The following IGDCC4 variants were observed in gnomAD, a reference collection of about 807,000 sequenced individuals.
IGDCC4 encodes likely ortholog of mouse neighbor of Punc E11.
Under a neutral mutation model 116.6 loss-of-function variants are expected in IGDCC4, and 72 were observed. The observed-to-expected ratio is 0.62, with a 90% CI of 0.51 to 0.75. IGDCC4 has a LOEUF of 0.75. Among genes scored for constraint, IGDCC4 ranks in the 30% least tolerant of loss-of-function variants. The pLI, the probability that IGDCC4 is intolerant of heterozygous loss-of-function variation, is 0.00. For synonymous variants in IGDCC4, 709 were observed against 719.9 expected (o/e 0.98, Z 0.24); for missense variants, 1,501 against 1,662.4 (o/e 0.90, Z 1.69).
chr15:65,398,661 G>A (rs1041232608), intron 5 of IGDCC4, among the ~76,000 whole-genome samples: 2 of 151,664 alleles, frequency 1.3e-5, no homozygotes, highest in Non-Finnish European at 2.9e-5. Flanking sequence ...GGCGGATCAC[G>A]AGGTTGGATC....
rs545170463 is a variant in IGDCC4, at chr15:65,400,915, C to T, written c.732G>A (p.Val244=). The change falls in exon 5 of 20, where the codon GTG becomes GTA. Residue 244 remains valine (V), a synonymous_variant. Coordinates refer to ENST00000352385, the MANE Select transcript of IGDCC4 (RefSeq NM_020962.3). The stretch of plus-strand genomic sequence containing the variant: ...TGTTCTCTGGGGCTGCCACAATGAC[C>T]ACGTCCTGCCCCCTGGTGGACGCCA... ...GSLASTRGQD[V]VIVAAPENTT... 6.2e-7 allele frequency: 1 copy of T among 1,614,168 alleles called. No homozygotes were observed. The highest frequency in any genetic ancestry group is 1.1e-5 in the South Asian group (1 of 91,068).
At chr15:65,388,697 T>C (rs1217597616) in intron 15 of IGDCC4, 111 bp from the exon 16 acceptor site, 6 of 1,591,644 alleles carry the variant, frequency 3.8e-6, no homozygotes, top group African/African-American at 1.3e-5. Context: ...CAGCAGCTTC[T>C]GCTTGCTTCT....
At chr15:65,396,720 C>G (rs2062930715) in intron 6 of IGDCC4, 114 bp downstream of exon 6, 1 of 1,327,988 alleles carries the variant, frequency 7.5e-7, no homozygotes, top group Non-Finnish European at 1.0e-6. Flanking sequence ...TCCCTGAGTT[C>G]GTCCTCCAGG....
intron 1 of IGDCC4, among the ~76,000 whole-genome samples, chr15:65,419,251 G>A (rs534616682): frequency 2.0e-4 from 26 of 129,988 alleles, no homozygotes; most frequent in Admixed American, 1.8e-3. Context: ...TTAATTTTTC[G>A]TAGAAATGAG....
At position 65,389,550 on chromosome 15, in the gene IGDCC4, C is replaced by T. The variant is rs147913443; in HGVS notation, c.2409-139G>A. 896 of 1,119,962 alleles carry T rather than the reference C, an allele frequency of 8.0e-4. 4 individuals carry two copies. In the African/African-American group the frequency reaches 0.012, roughly 15 times the overall value. The allele number at this position is 1,119,962 out of a possible 1,614,324, so 69.4% of individuals were successfully genotyped here. A position where few individuals can be genotyped will look rare whatever the true frequency, so the allele number is the denominator to read the frequency against. On this transcript the variant is annotated intron_variant, in intron 13 of 19. Transcript: ENST00000352385. Reference sequence around the variant, plus strand: ...GGGAAGCTGCTCCCTGGCCTGGAGGCGACTACCACCACCCAGGGACCTACA... The same window carrying T: ...GGGAAGCTGCTCCCTGGCCTGGAGGTGACTACCACCACCCAGGGACCTACA...
intron 13 of IGDCC4, 62 bp downstream of exon 13, chr15:65,390,093 C>T (rs1425249963): frequency 4.2e-6 from 6 of 1,433,654 alleles, no homozygotes; most frequent in Middle Eastern, 2.2e-4. Flanking sequence ...GCTGCCTTCC[C>T]ACCACCACCC....
rs756603874 is a variant in IGDCC4 at position 65,411,200 on chromosome 15, C to G, written c.241G>C (p.Glu81Gln). 3.1e-6 allele frequency: 5 copies of G among 1,614,192 alleles called. No homozygotes were observed. In the African/African-American group the frequency reaches 4.0e-5, roughly 13 times the overall value. The change falls in exon 2 of 20, where the codon GAG becomes CAG. Residue 81 changes from glutamate to glutamine, a missense_variant. By Grantham distance (29) the Glu-to-Gln change is conservative. Around this residue, in one of 3 missense-constraint regions of IGDCC4, gnomAD observed 898 missense variants for 978.9 expected, o/e 0.92. Transcript: ENST00000352385. ...GGCAGCAGGTGTAAGTGGTCGTGCT[C>G]CAGCAGGGTGTCCCCATCCTTGCTC... is the stretch of plus-strand genomic sequence containing the variant. ...TWSKDGDTLL[E>Q]HDHLHLLPNG...
chr15:65,404,959 G>A (rs866926592), intron 3 of IGDCC4, among the ~76,000 whole-genome samples: 28 of 152,290 alleles, frequency 1.8e-4, no homozygotes, highest in Middle Eastern at 3.4e-3. Flanking sequence ...GGCTGAAGTG[G>A]GGAGATTGCT....
At chr15:65,420,512 C>T (rs577241549) in intron 1 of IGDCC4, among the ~76,000 whole-genome samples, 4 of 152,144 alleles carry the variant, frequency 2.6e-5, no homozygotes, top group Non-Finnish European at 5.9e-5. Context: ...GTCAAGGGCT[C>T]ATGGGGACTC....
At chr15:65,385,647 G>A (rs1002270452) in intron 18 of IGDCC4, 184 bp downstream of exon 18, 1 of 677,118 alleles carries the variant, frequency 1.5e-6, no homozygotes, top group Non-Finnish European at 2.7e-6. Flanking sequence ...CTATTCCGCC[G>A]GGATATGGAG....
intron 18 of IGDCC4, chr15:65,385,541 G>C (rs1375145049): frequency 1.8e-6 from 1 of 565,272 alleles, no homozygotes; most frequent in African/African-American, 1.9e-5. Flanking sequence ...GGTCTCAGAG[G>C]TCTCCCCAGC....
At chr15:65,416,247 C>G (rs972928477) in intron 1 of IGDCC4, among the ~76,000 whole-genome samples, 1 of 145,660 alleles carries the variant, frequency 6.9e-6, no homozygotes, top group Admixed American at 7.1e-5. Context: ...GAGACATTCT[C>G]CTGCCTCAGC....
intron 3 of IGDCC4, among the ~76,000 whole-genome samples, chr15:65,407,319 C>T (rs2063049199): frequency 6.6e-6 from 1 of 150,886 alleles, no homozygotes; most frequent in South Asian, 2.1e-4. Flanking sequence ...CAACAAAAAA[C>T]CTAGTATGTA....
chr15:65,407,004 A>T (rs1595789937), intron 3 of IGDCC4, among the ~76,000 whole-genome samples: 1 of 152,280 alleles, frequency 6.6e-6, no homozygotes, highest in African/African-American at 2.4e-5. Context: ...TAAAGTTGTA[A>T]TGTGATACAA....
chr15:65,399,597 C>T (rs1054882303), intron 5 of IGDCC4, among the ~76,000 whole-genome samples: 3 of 152,084 alleles, frequency 2.0e-5, no homozygotes, highest in Admixed American at 1.3e-4. Context: ...GGTGATACCA[C>T]AAGTTTATCC....
Position 65,388,825 on chromosome 15 carries a change from G to A in IGDCC4, c.2690C>T (p.Thr897Ile), listed in dbSNP as rs1275748545. The change falls in exon 15 of 20, where the codon ACC becomes ATC. Residue 897 changes from threonine (T) to isoleucine (I), a missense_variant. By Grantham distance (89) the Thr-to-Ile change is moderately conservative. Around this residue, in one of 3 missense-constraint regions of IGDCC4, gnomAD observed 235 missense variants for 328.0 expected, o/e 0.72. Transcript: ENST00000352385. ...GCCCTCACCCTGCGTGGTGAGCAAGGTCCACTGGTGCTCAGGCTGCGTGTG... is the reference window on the plus strand; with the variant it reads ...GCCCTCACCCTGCGTGGTGAGCAAGATCCACTGGTGCTCAGGCTGCGTGTG... ...SNHTQPEHQW[T>I]LLTTQGNIFS... 1 of 1,613,912 alleles carries A rather than the reference G, an allele frequency of 6.2e-7. No homozygotes were observed. The highest frequency in any genetic ancestry group is 8.5e-7 in the Non-Finnish European group (1 of 1,180,036).
chr15:65,405,848 T>C (rs2063036499), intron 3 of IGDCC4, among the ~76,000 whole-genome samples: 1 of 152,242 alleles, frequency 6.6e-6, no homozygotes, highest in South Asian at 2.1e-4. Flanking sequence ...GGGATGATTC[T>C]TTTTCCAGCC....
intron 12 of IGDCC4, 90 bp from the exon 13 acceptor site, chr15:65,390,428 T>C: frequency 9.4e-7 from 1 of 1,058,296 alleles, no homozygotes; most frequent in Non-Finnish European, 1.3e-6. Flanking sequence ...AGGCTGTTTC[T>C]TTGACCCACT....
chr15:65,396,557 C>T, intron 6 of IGDCC4: 1 of 576,702 alleles, frequency 1.7e-6, no homozygotes, highest in Non-Finnish European at 3.1e-6. Context: ...ACTCCACTAT[C>T]CCCACAATAA....
Sources: gnomAD v4.1 joint callset for allele counts (sites outside exome capture counted in the v4.1 genomes callset) on GRCh38, gnomAD v4.1.1 for gene constraint, gnomAD v4.1.1 regional missense constraint, MANE v1.5 for transcripts, NCBI Gene and HGNC (gene_info 2026-07-23, HGNC 2026-07-21) for gene names.